The following PKD2L1 variants were observed in gnomAD, a reference collection of about 807,000 sequenced individuals.
PKD2L1 encodes the protein polycystin-2-like protein 1.
Under a neutral mutation model 93.0 loss-of-function variants are expected in PKD2L1, and 77 were observed. That is an observed-to-expected ratio of 0.83 (90% confidence interval 0.69 to 1.00). PKD2L1 has a LOEUF of 1.00. Among genes scored for constraint, PKD2L1 ranks in the 50% least tolerant of loss-of-function variants. PKD2L1 has a pLI of 0.00. For missense variants in PKD2L1, 977 were observed against 990.9 expected (o/e 0.99, Z 0.19); for synonymous variants, 390 against 388.0 (o/e 1.01, Z -0.06).
At chr10:100,323,077 T>C (rs1444236607) in intron 2 of PKD2L1, among the ~76,000 whole-genome samples, 2 of 152,176 alleles carry the variant, frequency 1.3e-5, no homozygotes, top group African/African-American at 2.4e-5. Context: ...CTGTTAATAA[T>C]GATGATGGTG....
intron 2 of PKD2L1, among the ~76,000 whole-genome samples, 200 bp from the exon 3 acceptor site, chr10:100,299,918 TCTC>T (rs1353096008): frequency 1.3e-5 from 2 of 152,134 alleles, no homozygotes; most frequent in Non-Finnish European, 2.9e-5. Context: ...AGCTACAATG[TCTC>T]CTCCTCTTCT....
chr10:100,306,249 G>A (rs1848796927), intron 2 of PKD2L1, among the ~76,000 whole-genome samples: 1 of 152,358 alleles, frequency 6.6e-6, no homozygotes, highest in Admixed American at 6.5e-5. Context: ...ACCACACTTT[G>A]AGAACTGCTG....
At chr10:100,294,805 G>T in intron 8 of PKD2L1, 137 bp downstream of exon 8, 1 of 1,316,440 alleles carries the variant, frequency 7.6e-7, no homozygotes, top group Non-Finnish European at 1.1e-6. Context: ...ACACACCAGG[G>T]CTTCTGGAGA....
At chr10:100,323,131 T>TTTCA (rs1439545969) in intron 2 of PKD2L1, among the ~76,000 whole-genome samples, 1 of 152,226 alleles carries the variant, frequency 6.6e-6, no homozygotes, top group Non-Finnish European at 1.5e-5. Flanking sequence ...GGGAAAGTAC[T>TTTCA]TTCACTTAAA....
intron 2 of PKD2L1, among the ~76,000 whole-genome samples, chr10:100,320,430 C>T (rs935318739): frequency 1.3e-5 from 2 of 152,172 alleles, no homozygotes; most frequent in Admixed American, 1.3e-4. Flanking sequence ...CCATGATAGT[C>T]TACTAGGGCT....
At chr10:100,311,050 A>C (rs1259665027) in intron 2 of PKD2L1, among the ~76,000 whole-genome samples, 1 of 152,246 alleles carries the variant, frequency 6.6e-6, no homozygotes. Flanking sequence ...AATTTTTAAC[A>C]TTGCTTTTAT....
At chr10:100,324,387 G>A (rs375856654) in intron 2 of PKD2L1, among the ~76,000 whole-genome samples, 5 of 152,186 alleles carry the variant, frequency 3.3e-5, no homozygotes, top group Middle Eastern at 3.2e-3. Context: ...TCACCATACA[G>A]AGTAGTTTCA....
In PKD2L1 at chr10:100,299,602, C is replaced by A. The variant is rs562614176; in HGVS notation, c.466G>T (p.Asp156Tyr). Reference protein sequence around the residue: ...VSFQAISSMADFWDFAQGPLL... With the variant: ...VSFQAISSMAYFWDFAQGPLL... ...GATCTTATACTCACATCCCAGAAGT[C>A]CGCCATGCTGCTGATGGCCTGAAAG... Residue 156 changes from aspartate to tyrosine, a missense_variant, in exon 3 of 16, where the codon GAC becomes TAC. Transcript: ENST00000318222. 1.1e-5 allele frequency: 17 copies of A among 1,613,786 alleles called. No individual in the cohort carries two copies. The highest frequency in any genetic ancestry group is 1.4e-5 in the Non-Finnish European group (17 of 1,179,788).
intron 2 of PKD2L1, among the ~76,000 whole-genome samples, chr10:100,323,263 CG>C (rs1564615779): frequency 4.6e-5 from 7 of 152,036 alleles, no homozygotes; most frequent in Non-Finnish European, 7.4e-5. Flanking sequence ...CAAATAATCA[CG>C]GCTTTTATTT....
chr10:100,294,535 C>G lies in PKD2L1; in HGVS notation c.1659G>C (p.Leu553=). 6.2e-7 allele frequency: 1 copy of G among 1,613,976 alleles called. No homozygotes were observed. The stretch of plus-strand genomic sequence containing the variant: ...CCCCACCCCTCAGAGAGACCCTCAC[C>G]AGGAGCACGAAGAAGACGAAGAAGA... ...TYVFFVFFVL[L]NMFLAIINDT... is the part of the protein sequence containing the mutation. The change falls in exon 9 of 16, where the codon CTG becomes CTC. Residue 553 remains leucine, a splice_region_variant and synonymous_variant. Transcript: ENST00000318222.
At chr10:100,317,715 G>A (rs1225736826) in intron 2 of PKD2L1, among the ~76,000 whole-genome samples, 1 of 152,014 alleles carries the variant, frequency 6.6e-6, no homozygotes, top group African/African-American at 2.4e-5. Context: ...AATATGTTTC[G>A]GGGTAAGAGA....
In PKD2L1 at chr10:100,322,967, A is replaced by G. The variant is rs538281117; in HGVS notation, c.349+6244T>C. Among the ~76,000 whole-genome samples, 234 of 152,338 alleles carry G rather than the reference A, an allele frequency of 1.5e-3. 1 individual carries two copies. Among genetic ancestry groups the G allele is most frequent in the Admixed American group, 4.5e-3 (69 of 15,294 alleles). On this transcript the variant is annotated intron_variant, in intron 2 of 15. Coordinates refer to ENST00000318222, the MANE Select transcript of PKD2L1 (RefSeq NM_016112.3). ...TTGTAAAATGGGAGTGATAGGCAGAACCAATTTCATAGAGTCATTGGAAGT... is the reference window on the plus strand; with the variant it reads ...TTGTAAAATGGGAGTGATAGGCAGAGCCAATTTCATAGAGTCATTGGAAGT...
rs776996100 is a variant in PKD2L1 at position 100,329,903 on chromosome 10, G to A, written c.201C>T (p.Ser67=). The A allele has an allele frequency of 6.3e-5, 101 of 1,612,992 alleles. No individual in the cohort carries two copies. The East Asian group carries it at 2.2e-3, about 35-fold the overall frequency. The change falls in exon 1 of 16, where the codon TCC becomes TCT. Residue 67 remains serine (S), a synonymous_variant. Coordinates refer to ENST00000318222, the MANE Select transcript of PKD2L1 (RefSeq NM_016112.3). ...CTTGACAGATATGGAGGCAGCAGCTGGACACCTGGGTCCTGTATGCCGTCT... is the reference window on the plus strand; with the variant it reads ...CTTGACAGATATGGAGGCAGCAGCTAGACACCTGGGTCCTGTATGCCGTCT... ...PQETAYRTQV[S]SCCLHICQGI...
rs1339363753 is a variant in PKD2L1 at position 100,324,906 on chromosome 10, C to T, written c.349+4305G>A. 3.3e-5 allele frequency among the ~76,000 whole-genome samples: 5 copies of T among 152,316 alleles called. 1 individual carries two copies. In the South Asian group the frequency reaches 6.2e-4, roughly 19 times the overall value. On this transcript the variant is annotated intron_variant, in intron 2 of 15. Transcript: ENST00000318222. Reference sequence around the variant, plus strand: ...TGGCACAGCTGCATGTCCAACTGCACGTCACTCCAGTTCTTAGAAAACAGC... The same window carrying T: ...TGGCACAGCTGCATGTCCAACTGCATGTCACTCCAGTTCTTAGAAAACAGC...
intron 8 of PKD2L1, 88 bp downstream of exon 8, chr10:100,294,854 G>A (rs1275450310): frequency 2.3e-5 from 31 of 1,341,282 alleles, no homozygotes; most frequent in Middle Eastern, 1.9e-4. Context: ...ATGCAGACAC[G>A]CACGTACCCA....
chr10:100,325,090 G>A (rs908336158), intron 2 of PKD2L1, among the ~76,000 whole-genome samples: 2 of 152,178 alleles, frequency 1.3e-5, no homozygotes, highest in East Asian at 1.9e-4. Flanking sequence ...TGCATTATCC[G>A]TCTCCCCAAA....
Position 100,295,111 on chromosome 10 carries a change from T to C in PKD2L1, c.1369A>G (p.Ile457Val), listed in dbSNP as rs201578262. The C allele has an allele frequency of 1.9e-3, 3,122 of 1,613,608 alleles. 68 individuals carry two copies. The South Asian group carries it at 0.033, about 17-fold the overall frequency. ...TGGGTCATGGTTTTGTTGAAGCTGA[T>C]GTACTTGAATATCTGGAAGGACCAT... The part of the protein sequence containing the change: ...FFAWIKIFKY[I>V]SFNKTMTQLS... Residue 457 changes from isoleucine to valine, a missense_variant, in exon 8 of 16, where the codon ATC becomes GTC. Transcript: ENST00000318222.
intron 13 of PKD2L1, 53 bp from the exon 14 acceptor site, chr10:100,290,191 G>A (rs1247835381): frequency 6.2e-7 from 1 of 1,608,486 alleles, no homozygotes; most frequent in Non-Finnish European, 8.5e-7. Flanking sequence ...TCTGGGGGCT[G>A]GATGTCTAAA....
chr10:100,297,354 G>C (rs1455099526), intron 5 of PKD2L1, 28 bp downstream of exon 5: 1 of 1,580,290 alleles, frequency 6.3e-7, no homozygotes, highest in South Asian at 1.1e-5. Flanking sequence ...CCATGGACAG[G>C]GTGATAAAGT....
Sources: allele counts gnomAD v4.1 joint callset (sites outside exome capture counted in the v4.1 genomes callset), GRCh38; gene constraint gnomAD v4.1.1; transcripts MANE v1.5; gene names NCBI Gene and HGNC (gene_info 2026-07-23, HGNC 2026-07-21).